PHKA2: variants seen among roughly 807,000 people sequenced by gnomAD.
PHKA2 encodes phosphorylase b kinase regulatory subunit alpha, liver isoform.
PHKA2 carries 31 observed loss-of-function variants against 102.0 expected under a neutral mutation model. The observed-to-expected ratio is 0.30, with a 90% confidence interval of 0.23 to 0.41. The LOEUF is 0.41. Among genes scored for constraint, PHKA2 ranks in the 10% least tolerant of loss-of-function variants. The pLI is 1.00. For synonymous variants in PHKA2, 455 were observed against 416.2 expected (o/e 1.09, Z -1.13); for missense variants, 858 against 1,023.1 (o/e 0.84, Z 2.20).
chrX:18,897,684 C>A (rs1299516755), intron 29 of PHKA2: 4 of 256,396 alleles, frequency 1.6e-5, no homozygotes, highest in African/African-American at 8.3e-5. Context: ...CAAGGACACA[C>A]CCGAGGCCGT....
At chrX:18,944,975 T>C in intron 6 of PHKA2, 103 bp downstream of exon 6, 1 of 600,588 alleles carries the variant, frequency 1.7e-6, no homozygotes, top group South Asian at 2.3e-5. Context: ...ATGCTGACTT[T>C]TGACAAATAT....
chrX:18,976,556 T>TGA (rs963417173), intron 1 of PHKA2, among the ~76,000 whole-genome samples: 3 of 110,720 alleles, frequency 2.7e-5, no homozygotes, highest in East Asian at 2.8e-4. Flanking sequence ...TAAAATATTT[T>TGA]GAGAGAGAGA....
intron 1 of PHKA2, among the ~76,000 whole-genome samples, chrX:18,969,735 C>T (rs1360275973): frequency 4.5e-5 from 5 of 111,502 alleles, no homozygotes; most frequent in Non-Finnish European, 7.5e-5. Flanking sequence ...CTTCGGGGAT[C>T]TGGGGATCAC....
intron 9 of PHKA2, among the ~76,000 whole-genome samples, chrX:18,938,982 T>C (rs1300133698): frequency 8.9e-6 from 1 of 112,023 alleles, no homozygotes; most frequent in African/African-American, 3.2e-5. Flanking sequence ...TAAAGCTTCC[T>C]ATAACTCTAA....
intron 27 of PHKA2, 148 bp from the exon 28 acceptor site, chrX:18,900,847 T>A (rs2047667304): frequency 1.9e-6 from 1 of 517,986 alleles, no homozygotes; most frequent in Middle Eastern, 3.3e-4. Context: ...ATTTAGTGGG[T>A]CATGAACAGC....
intron 1 of PHKA2, among the ~76,000 whole-genome samples, chrX:18,959,517 T>C (rs1006172865): frequency 1.8e-5 from 2 of 111,652 alleles, no homozygotes; most frequent in African/African-American, 6.5e-5. Context: ...TTGACATTTT[T>C]GAAACAAAAA....
chrX:18,897,931 T>A (rs2047604752), intron 29 of PHKA2: 1 of 114,869 alleles, frequency 8.7e-6, no homozygotes, highest in Admixed American at 8.8e-5. Context: ...GGAGCAGGCA[T>A]CCATGGCTCA....
chrX:18,979,136 A>AAAAC lies in PHKA2; in HGVS notation c.78+4715_78+4718dup, dbSNP rs748715889. Reference sequence around the variant, plus strand: ...GGGCAACAGAGCAAGACTGTCTCAAAAAACAAACAAACAAACAAACAAAAC... The same window carrying AAAAC: ...GGGCAACAGAGCAAGACTGTCTCAAAAAACAAACAAACAAACAAACAAACAAAAC... On this transcript the variant is annotated intron_variant, in intron 1 of 32. Coordinates refer to ENST00000379942, the MANE Select transcript of PHKA2 (RefSeq NM_000292.3). Among the ~76,000 whole-genome samples the AAAAC allele has an allele frequency of 6.9e-3, 772 of 111,843 alleles. 2 individuals carry two copies. The highest frequency in any genetic ancestry group is 0.015 in the South Asian group (40 of 2,688).
intron 17 of PHKA2, among the ~76,000 whole-genome samples, chrX:18,923,081 A>G (rs1282403379): frequency 1.1e-5 from 1 of 89,040 alleles, no homozygotes; most frequent in Non-Finnish European, 2.1e-5. Flanking sequence ...ACGGAGTCTC[A>G]TTCTGTTACC....
At chrX:18,936,210 G>A in intron 10 of PHKA2, 60 bp from the exon 11 acceptor site, 23 of 787,552 alleles carry the variant, frequency 2.9e-5, no homozygotes, top group Non-Finnish European at 4.0e-5. Flanking sequence ...TGCTGTAACA[G>A]CGGTGCAACA....
chrX:18,977,187 A>C (rs1426205310), intron 1 of PHKA2, among the ~76,000 whole-genome samples: 1 of 112,079 alleles, frequency 8.9e-6, no homozygotes, highest in African/African-American at 3.2e-5. Flanking sequence ...CTAAGTTTCC[A>C]AACATATATG....
rs944440417 is a variant in PHKA2, at chrX:18,951,408, T to C, written c.286-136A>G. On this transcript the variant is annotated intron_variant, in intron 3 of 32. Coordinates refer to ENST00000379942, the MANE Select transcript of PHKA2 (RefSeq NM_000292.3). ...AGCCAGAGGGATGGAAGGCAGCTGC[T>C]AGGCAGCACCGCACAGAGGGACTGT... 6 of 624,853 alleles carry C rather than the reference T, an allele frequency of 9.6e-6. No homozygotes were observed. In the African/African-American group the frequency reaches 1.1e-4, roughly 11 times the overall value. 51.5% of individuals were successfully genotyped at this position (624,853 alleles called of 1,213,427 possible). A position where few individuals can be genotyped will look rare whatever the true frequency, so the allele number is the denominator to read the frequency against.
intron 12 of PHKA2, among the ~76,000 whole-genome samples, chrX:18,930,949 C>T (rs749969054): frequency 9.1e-4 from 101 of 111,289 alleles, no homozygotes; most frequent in Admixed American, 1.9e-3. Context: ...CCTGCCTCCC[C>T]GGGGTCCAGC....
intron 19 of PHKA2, chrX:18,915,099 G>C (rs967859751): frequency 1.8e-5 from 2 of 111,677 alleles, no homozygotes; most frequent in African/African-American, 6.5e-5. Context: ...CAGCACTTTG[G>C]GAAGCCACGG....
At chrX:18,972,382 C>T (rs1353813945) in intron 1 of PHKA2, among the ~76,000 whole-genome samples, 4 of 112,036 alleles carry the variant, frequency 3.6e-5, no homozygotes, top group Non-Finnish European at 5.6e-5. Flanking sequence ...CTATTCTTGG[C>T]CCCTTACTAC....
chrX:18,908,523 G>A lies in PHKA2; in HGVS notation c.2360+278C>T, dbSNP rs771354967. ...CCACAATGATGACATTAGGAGGTGG[G>A]GACTTTGGGAGGTCATCAGGTCAGA... On this transcript the variant is annotated intron_variant, in intron 21 of 32. Coordinates refer to ENST00000379942, the MANE Select transcript of PHKA2 (RefSeq NM_000292.3). Among the ~76,000 whole-genome samples the A allele has an allele frequency of 1.1e-4, 12 of 112,231 alleles. No individual in the cohort carries two copies. The East Asian group carries it at 3.4e-3, about 32-fold the overall frequency.
chrX:18,952,954 T>C (rs1207507720), intron 2 of PHKA2, among the ~76,000 whole-genome samples: 1 of 112,550 alleles, frequency 8.9e-6, no homozygotes, highest in Non-Finnish European at 1.9e-5. Context: ...CATCACTGAA[T>C]TACCGAGTAA....
chrX:18,920,583 A>T (rs1255021605), intron 17 of PHKA2, among the ~76,000 whole-genome samples: 7 of 112,117 alleles, frequency 6.2e-5, no homozygotes, highest in Middle Eastern at 4.6e-3. Flanking sequence ...AGAAGCAGTG[A>T]TTCTCTGGGC....
In PHKA2 at chrX:18,911,172, AT is replaced by A. The variant is rs201671901; in HGVS notation, c.2138-213del. Among the ~76,000 whole-genome samples the A allele has an allele frequency of 9.1e-3, 876 of 96,652 alleles. 1 individual carries two copies. Among genetic ancestry groups the A allele is most frequent in the Middle Eastern group, 0.016 (3 of 193 alleles). The allele number at this position is 96,652 out of a possible 115,157, so 83.9% of individuals were successfully genotyped here. ...AGGCACGTGCCACCACGCCCAGCTA[AT>A]TTTTTTTTTTTTTTTTTGAGACAGA... On this transcript the variant is annotated intron_variant, in intron 19 of 32. Transcript: ENST00000379942.
Sources: gnomAD v4.1 joint callset for allele counts (sites outside exome capture counted in the v4.1 genomes callset) on GRCh38, gnomAD v4.1.1 for gene constraint, MANE v1.5 for transcripts, NCBI Gene and HGNC (gene_info 2026-07-23, HGNC 2026-07-21) for gene names.